Variants in WNK2 observed in about 807,000 individuals in gnomAD.
WNK2 encodes WNK lysine deficient protein kinase 2.
WNK2 carries 67 observed loss-of-function variants against 192.1 expected under a neutral mutation model. The ratio of observed to expected loss-of-function variants is 0.35; its 90% CI spans 0.29 to 0.43. WNK2 has a LOEUF of 0.43. Ranked by LOEUF, WNK2 falls within the 20% of genes least tolerant of loss-of-function variation. WNK2 has a pLI of 1.00. For synonymous variants in WNK2, 1,439 were observed against 1,393.9 expected, an observed-to-expected ratio of 1.03 and a Z score of -0.72; for missense variants, 2,698 against 3,089.7, an observed-to-expected ratio of 0.87 and a Z score of 3.01.
intron 2 of WNK2, among the ~76,000 whole-genome samples, chr9:93,202,275 G>C (rs1375086995): frequency 6.6e-6 from 1 of 152,136 alleles, no homozygotes; most frequent in Non-Finnish European, 1.5e-5. Flanking sequence ...GCCCTGCTGC[G>C]TGTGGGGACC....
intron 19 of WNK2, among the ~76,000 whole-genome samples, chr9:93,280,622 T>C (rs550251655): frequency 6.6e-6 from 1 of 152,346 alleles, no homozygotes; most frequent in Non-Finnish European, 1.5e-5. Context: ...TTCACATTTC[T>C]TGAGTTGAAA....
chr9:93,212,521 C>T (rs894010151), intron 2 of WNK2, among the ~76,000 whole-genome samples: 2 of 152,234 alleles, frequency 1.3e-5, no homozygotes, highest in Non-Finnish European at 2.9e-5. Context: ...CCTCTCCCTC[C>T]CTATGGCCCC....
intron 2 of WNK2, among the ~76,000 whole-genome samples, chr9:93,192,859 C>T (rs141468569): frequency 6.6e-6 from 1 of 152,220 alleles, no homozygotes; most frequent in Non-Finnish European, 1.5e-5. Context: ...GCTGGCTGGA[C>T]TTGCCCCTCA....
At chr9:93,288,659 C>A in intron 19 of WNK2, 129 bp from the exon 20 acceptor site, 1 of 977,080 alleles carries the variant, frequency 1.0e-6, no homozygotes, top group Non-Finnish European at 1.5e-6. Flanking sequence ...CCTGGCGTGT[C>A]GGGAAACAGA....
intron 19 of WNK2, among the ~76,000 whole-genome samples, chr9:93,276,037 T>C (rs1846815173): frequency 6.6e-6 from 1 of 152,222 alleles, no homozygotes. Flanking sequence ...CCCAAATGGA[T>C]CTGTAGATGC....
chr9:93,209,761 G>T (rs868759111), intron 2 of WNK2, among the ~76,000 whole-genome samples: 1 of 152,190 alleles, frequency 6.6e-6, no homozygotes, highest in Non-Finnish European at 1.5e-5. Context: ...GGTGGAGTGC[G>T]TGCTGAAAGT....
At chr9:93,188,172 C>T (rs1364358236) in intron 2 of WNK2, among the ~76,000 whole-genome samples, 5 of 152,166 alleles carry the variant, frequency 3.3e-5, no homozygotes, top group Admixed American at 2.0e-4. Context: ...CTTTCTTCCC[C>T]TACTCCCGCA....
intron 19 of WNK2, among the ~76,000 whole-genome samples, chr9:93,280,642 C>G (rs7042492): frequency 0.91 from 139,213 of 152,216 alleles, 64,050 homozygotes; most frequent in East Asian, 1. Flanking sequence ...ATGTGCAGCT[C>G]ATGAATGCTT....
At chr9:93,246,350 A>G (rs1308438924) in intron 7 of WNK2, among the ~76,000 whole-genome samples, 1 of 152,062 alleles carries the variant, frequency 6.6e-6, no homozygotes, top group Admixed American at 6.6e-5. Flanking sequence ...CGAGCTCTGC[A>G]TGCTCCTTGC....
At chr9:93,290,652 C>T (rs1370090110) in intron 21 of WNK2, among the ~76,000 whole-genome samples, 1 of 152,220 alleles carries the variant, frequency 6.6e-6, no homozygotes, top group African/African-American at 2.4e-5. Context: ...TGCTTTTCTT[C>T]AGCAAGGTTA....
chr9:93,292,540 A>T lies in WNK2; in HGVS notation c.5075A>T (p.Asp1692Val), dbSNP rs150247631. ...RPARVEPTDR[D>V]GGEAGESSAE... ...GCACGTGTGGAGCCCACAGACAGGGATGGTGGAGAAGCTGGAGAAAGCTCG... is the reference window on the plus strand; with the variant it reads ...GCACGTGTGGAGCCCACAGACAGGGTTGGTGGAGAAGCTGGAGAAAGCTCG... Residue 1692 changes from aspartate (D) to valine (V), a missense_variant, in exon 23 of 30, where the codon GAT becomes GTT. Around this residue, in one of 7 missense-constraint regions of WNK2, gnomAD observed 1,098 missense variants for 1,101.0 expected, o/e 1.00. Transcript: ENST00000427277. 8.2e-6 allele frequency: 13 copies of T among 1,576,878 alleles called. No homozygotes were observed. Among genetic ancestry groups the T allele is most frequent in the African/African-American group, 4.1e-5 (3 of 73,988 alleles).
intron 28 of WNK2, among the ~76,000 whole-genome samples, chr9:93,310,661 T>A (rs930329724): frequency 6.6e-6 from 1 of 152,176 alleles, no homozygotes; most frequent in Admixed American, 6.5e-5. Flanking sequence ...TGGTAGCCTC[T>A]ATCCTTCTTT....
chr9:93,205,180 T>C (rs772326975), intron 2 of WNK2, among the ~76,000 whole-genome samples: 1 of 152,184 alleles, frequency 6.6e-6, no homozygotes, highest in Non-Finnish European at 1.5e-5. Flanking sequence ...TGTAGACCAA[T>C]GTTACCGGTG....
chr9:93,243,963 C>A (rs1360684256), intron 7 of WNK2, among the ~76,000 whole-genome samples: 1 of 152,250 alleles, frequency 6.6e-6, no homozygotes, highest in Non-Finnish European at 1.5e-5. Context: ...CGGGTGCAGT[C>A]ACTCATGCCT....
intron 19 of WNK2, 85 bp from the exon 20 acceptor site, chr9:93,288,703 G>A: frequency 2.2e-6 from 3 of 1,362,630 alleles, no homozygotes; most frequent in Non-Finnish European, 3.0e-6. Context: ...GGCCAGCTGT[G>A]TAAGGCATCT....
intron 19 of WNK2, among the ~76,000 whole-genome samples, chr9:93,276,924 T>C (rs1008732206): frequency 2.6e-5 from 4 of 151,936 alleles, no homozygotes; most frequent in African/African-American, 9.7e-5. Context: ...TAATCCCAGC[T>C]ACTCAGGAGG....
chr9:93,189,295 C>T (rs927956430), intron 2 of WNK2, among the ~76,000 whole-genome samples: 1 of 152,172 alleles, frequency 6.6e-6, no homozygotes. Flanking sequence ...ACCTGAGTTT[C>T]CCAAGATGGT....
At chr9:93,211,631 C>G (rs1251281022) in intron 2 of WNK2, among the ~76,000 whole-genome samples, 2 of 151,546 alleles carry the variant, frequency 1.3e-5, no homozygotes, top group African/African-American at 4.9e-5. Context: ...CTCACCCACC[C>G]ACTCATCCAC....
chr9:93,290,331 G>A (rs1447040625), intron 21 of WNK2, among the ~76,000 whole-genome samples: 1 of 150,180 alleles, frequency 6.7e-6, no homozygotes, highest in Non-Finnish European at 1.5e-5. Flanking sequence ...CTTCTTATGA[G>A]CTTTTTTTTT....
Sources: allele counts gnomAD v4.1 joint callset (sites outside exome capture counted in the v4.1 genomes callset), GRCh38; gene constraint gnomAD v4.1.1; regional missense constraint gnomAD v4.1.1; transcripts MANE v1.5; gene names NCBI Gene and HGNC (gene_info 2026-07-23, HGNC 2026-07-21).